LRRC43: variants seen among roughly 807,000 people sequenced by gnomAD.
LRRC43 encodes the protein leucine rich repeat containing 43.
Under a neutral mutation model 64.3 loss-of-function variants are expected in LRRC43, and 62 were observed. That is an observed-to-expected ratio of 0.96 (90% CI 0.79 to 1.19). The LOEUF is 1.19. Among genes scored for constraint, LRRC43 ranks in the 50% most tolerant of loss-of-function variants. The pLI, the probability that LRRC43 is intolerant of heterozygous loss-of-function variation, is 0.00. For synonymous variants in LRRC43, 422 were observed against 382.3 expected, an observed-to-expected ratio of 1.10 and a Z score of -1.21; for missense variants, 868 against 845.0, an observed-to-expected ratio of 1.03 and a Z score of -0.34.
At chr12:122,194,796 T>A (rs1040286245) in intron 7 of LRRC43, among the ~76,000 whole-genome samples, 2 of 152,116 alleles carry the variant, frequency 1.3e-5, no homozygotes, top group African/African-American at 4.8e-5. Flanking sequence ...TGCTCCAGTA[T>A]GCTTCATTCT....
In LRRC43 at chr12:122,183,313, G is replaced by T; in HGVS notation, c.150+19G>T. The T allele has an allele frequency of 6.8e-7, 1 of 1,476,102 alleles. No individual in the cohort carries two copies. The highest frequency in any genetic ancestry group is 2.7e-5 in the East Asian group (1 of 37,258). 91.4% of individuals were successfully genotyped at this position (1,476,102 alleles called of 1,614,324 possible). On this transcript the variant is annotated intron_variant, in intron 1 of 11. Transcript: ENST00000339777. ...CAGCTGGGTGCGGGCGCCGGGGCCG[G>T]AACTCTGGGGGCCTGGACCGGCTGC... is the stretch of plus-strand genomic sequence containing the variant.
chr12:122,167,910 G>C (rs1277373916), intron 1 of LRRC43: 1 of 151,512 alleles, frequency 6.6e-6, no homozygotes, highest in Admixed American at 6.6e-5. Context: ...TGCCTCCCGG[G>C]TTCAAGCAAT....
intron 11 of LRRC43, chr12:122,202,292 T>C (rs71456727): frequency 2.0e-5 from 3 of 152,122 alleles, no homozygotes; most frequent in African/African-American, 4.8e-5. Context: ...CTGCTTGCAA[T>C]ATGTTGCTGT....
rs181503685 is a variant in LRRC43 at position 122,187,624 on chromosome 12, G to A, written c.523-77G>A. On this transcript the variant is annotated intron_variant, in intron 3 of 11. Transcript: ENST00000339777. ...TTGTGATTCCTCTACTAAGTTTTGC[G>A]GGACAGAGGGGAGGGGCCTGATCCT... The A allele has an allele frequency of 1.6e-5, 22 of 1,390,566 alleles. 1 individual carries two copies. The highest frequency in any genetic ancestry group is 7.5e-5 in the South Asian group (6 of 79,838). The allele number at this position is 1,390,566 out of a possible 1,614,324, so 86.1% of individuals were successfully genotyped here.
intron 11 of LRRC43, chr12:122,202,376 AATAAT>A (rs1461751778): frequency 6.6e-6 from 1 of 152,190 alleles, no homozygotes; most frequent in African/African-American, 2.4e-5. Flanking sequence ...TAGACCTTAA[AATAAT>A]ATAATTTCTT....
chr12:122,173,912 G>T (rs371405302), intron 1 of LRRC43: 2 of 1,614,060 alleles, frequency 1.2e-6, no homozygotes, highest in East Asian at 2.2e-5. Context: ...TCACTTGGTC[G>T]TAGTAAACGG....
upstream of LRRC43, among the ~76,000 whole-genome samples, chr12:122,179,479 GTGTGGATCTGAAGCGT>G: frequency 6.6e-6 from 1 of 152,256 alleles, no homozygotes; most frequent in East Asian, 1.9e-4. Flanking sequence ...GCTGTTGGAC[GTGTGGATCTGAAGCGT>G]GTAGGAAGGA....
chr12:122,183,068 G>A (rs1953596558), upstream of LRRC43: 2 of 1,488,396 alleles, frequency 1.3e-6, no homozygotes, highest in Non-Finnish European at 1.8e-6. Flanking sequence ...TTTCCCTCGG[G>A]GCAGGTGAGA....
intron 7 of LRRC43, among the ~76,000 whole-genome samples, chr12:122,196,464 T>G (rs934546154): frequency 6.6e-6 from 1 of 152,094 alleles, no homozygotes; most frequent in African/African-American, 2.4e-5. Flanking sequence ...ACAAATCAGA[T>G]GGAAAATGGT....
chr12:122,169,870 G>A (rs957819157), intron 1 of LRRC43, among the ~76,000 whole-genome samples: 2 of 151,738 alleles, frequency 1.3e-5, no homozygotes, highest in African/African-American at 4.9e-5. Flanking sequence ...GTATAGTGAC[G>A]CCATCTTGGC....
chr12:122,168,253 C>A (rs937274973), intron 1 of LRRC43, among the ~76,000 whole-genome samples: 7 of 151,478 alleles, frequency 4.6e-5, no homozygotes, highest in African/African-American at 1.7e-4. Flanking sequence ...CCAGCCTGGC[C>A]AACCTGGTGA....
intron 6 of LRRC43, among the ~76,000 whole-genome samples, chr12:122,191,892 G>A (rs192908286): frequency 2.0e-5 from 3 of 152,206 alleles, no homozygotes; most frequent in Non-Finnish European, 2.9e-5. Context: ...GAGCTCAAGT[G>A]ATCCTCGGCC....
At position 122,190,356 on chromosome 12, in the gene LRRC43, A is replaced by T. The variant is rs1432387249; in HGVS notation, c.889A>T (p.Ser297Cys). ...TGAGAAGCATCTCTTCCGGGGGCTC[A>T]GCCTCAATGGCGGTGAGGGTACTGG... ...PNEKHLFRGL[S>C]LNGDLLAQEA... Residue 297 changes from serine (S) to cysteine (C), a missense_variant, in exon 5 of 12, where the codon AGC (serine) becomes TGC (cysteine). By Grantham distance (112) the Ser-to-Cys change is moderately radical. Transcript: ENST00000339777. The T allele has an allele frequency of 6.2e-7, 1 of 1,613,642 alleles. No homozygotes were observed. Among genetic ancestry groups the T allele is most frequent in the East Asian group, 2.2e-5 (1 of 44,870 alleles).
In LRRC43 at chr12:122,184,764, G is replaced by A. The variant is rs1040044921; in HGVS notation, c.396G>A (p.Arg132=). The A allele has an allele frequency of 3.1e-6, 5 of 1,604,064 alleles. No homozygotes were observed. In the African/African-American group the frequency reaches 6.7e-5, roughly 21 times the overall value. ...TCTACTCCTACTTCCGGTCCCTGCG[G>A]GTAATAGACAAGAAGGTCAGTGCTG... ...TFFYSYFRSL[R]VIDKKVTLVD... Residue 132 remains arginine, a synonymous_variant, in exon 2 of 12, where the codon CGG becomes CGA. Coordinates refer to ENST00000339777, the MANE Select transcript of LRRC43 (RefSeq NM_001098519.2). This position sits in a 1 kb window ranked among gnomAD's most constrained non-coding sequence, Gnocchi z 4.0.
upstream of LRRC43, among the ~76,000 whole-genome samples, chr12:122,179,969 C>CAAAAA (rs59930172): frequency 2.1e-5 from 1 of 46,652 alleles, no homozygotes. Context: ...GACTCCGTCT[C>CAAAAA]AAAAAAAAAA....
intron 7 of LRRC43, among the ~76,000 whole-genome samples, chr12:122,195,077 T>C (rs1307774632): frequency 6.6e-6 from 1 of 152,202 alleles, no homozygotes; most frequent in Non-Finnish European, 1.5e-5. Context: ...AATGTATTCA[T>C]GTATTCAACT....
chr12:122,193,569 A>G (rs1412904150), intron 7 of LRRC43, among the ~76,000 whole-genome samples: 1 of 151,824 alleles, frequency 6.6e-6, no homozygotes, highest in Non-Finnish European at 1.5e-5. Flanking sequence ...GGAATGATTG[A>G]ATTTCTTTTT....
intron 1 of LRRC43, chr12:122,171,927 G>A (rs1953488822): frequency 1.3e-5 from 2 of 155,670 alleles, no homozygotes; most frequent in Admixed American, 6.3e-5. Flanking sequence ...TGGTAGAAGC[G>A]ATACCTCTTT....
intron 1 of LRRC43, chr12:122,174,023 C>T (rs748829375): frequency 1.9e-6 from 3 of 1,613,226 alleles, no homozygotes; most frequent in East Asian, 4.5e-5. Context: ...TGAGCGCATA[C>T]ATCACACACC....
Sources: allele counts gnomAD v4.1 joint callset (sites outside exome capture counted in the v4.1 genomes callset), GRCh38; gene constraint gnomAD v4.1.1; non-coding constraint Gnocchi (gnomAD v3.1); transcripts MANE v1.5; gene names NCBI Gene and HGNC (gene_info 2026-07-23, HGNC 2026-07-21).